Variants in WDR7 observed in about 807,000 individuals in gnomAD.
WDR7 encodes the protein WD repeat domain 7, also known as WD repeat-containing protein 7.
WDR7 carries 46 observed loss-of-function variants against 169.4 expected under a neutral mutation model. That is an observed-to-expected ratio of 0.27 (90% CI 0.21 to 0.35). The LOEUF is 0.35. Ranked by LOEUF, WDR7 falls within the 10% of genes least tolerant of loss-of-function variation. The pLI, the probability that WDR7 is intolerant of heterozygous loss-of-function variation, is 1.00. For missense variants in WDR7, 1,534 were observed against 1,859.3 expected, an observed-to-expected ratio of 0.83 and a Z score of 3.22; for synonymous variants, 612 against 666.8, an observed-to-expected ratio of 0.92 and a Z score of 1.27.
At chr18:57,016,744 C>T (rs2048212585) in intron 26 of WDR7, among the ~76,000 whole-genome samples, 1 of 152,174 alleles carries the variant, frequency 6.6e-6, no homozygotes, top group South Asian at 2.1e-4. Context: ...TATTCTGCTT[C>T]CCAGTTCCTT....
chr18:56,876,559 A>G (rs762301298), intron 20 of WDR7, among the ~76,000 whole-genome samples: 53 of 152,216 alleles, frequency 3.5e-4, no homozygotes, highest in Non-Finnish European at 6.9e-4. Flanking sequence ...AGGACTTACA[A>G]TACATCATGA....
intron 14 of WDR7, among the ~76,000 whole-genome samples, chr18:56,752,815 A>T (rs1319042623): frequency 1.3e-5 from 2 of 152,212 alleles, no homozygotes; most frequent in Non-Finnish European, 2.9e-5. Context: ...AAGAGAAGCC[A>T]CTTGAAATAC....
intron 16 of WDR7, among the ~76,000 whole-genome samples, chr18:56,761,201 G>T (rs2043975943): frequency 1.3e-5 from 2 of 152,188 alleles, no homozygotes; most frequent in South Asian, 4.2e-4. Context: ...GTAGAGATGG[G>T]GTTTTGCCAT....
At chr18:56,779,866 T>C (rs1391394914) in intron 18 of WDR7, among the ~76,000 whole-genome samples, 1 of 152,184 alleles carries the variant, frequency 6.6e-6, no homozygotes, top group African/African-American at 2.4e-5. Flanking sequence ...TACATAAACC[T>C]GCTTCCCCCA....
At chr18:56,923,509 G>T (rs1235963190) in intron 21 of WDR7, among the ~76,000 whole-genome samples, 1 of 152,204 alleles carries the variant, frequency 6.6e-6, no homozygotes, top group Non-Finnish European at 1.5e-5. Flanking sequence ...AATGAGAGGT[G>T]TTACTGAGGG....
At chr18:56,691,387 C>A in intron 8 of WDR7, 26 bp downstream of exon 8, 1 of 1,560,370 alleles carries the variant, frequency 6.4e-7, no homozygotes, top group Non-Finnish European at 8.6e-7. Flanking sequence ...TAAATTAGGA[C>A]AGTCATCAAA....
rs1308582294 is a variant in WDR7 at position 56,682,869 on chromosome 18, C to T, written c.520+16C>T. On this transcript the variant is annotated intron_variant, in intron 5 of 27. Coordinates refer to ENST00000254442, the MANE Select transcript of WDR7 (RefSeq NM_015285.3). ...CGAACACAAGGTCAGTGTATTATGCCTGTTAGGAGCTTTAGCACCATGACT... is the reference window on the plus strand; with the variant it reads ...CGAACACAAGGTCAGTGTATTATGCTTGTTAGGAGCTTTAGCACCATGACT... The T allele has an allele frequency of 6.2e-7, 1 of 1,608,204 alleles. No individual in the cohort carries two copies. The highest frequency in any genetic ancestry group is 2.2e-5 in the East Asian group (1 of 44,712).
chr18:56,850,680 T>C (rs898131362), intron 20 of WDR7, among the ~76,000 whole-genome samples: 1 of 152,076 alleles, frequency 6.6e-6, no homozygotes, highest in Admixed American at 6.6e-5. Context: ...TGACTAACTT[T>C]TTTATTATTG....
chr18:56,930,009 T>C (rs2046859528), intron 22 of WDR7, among the ~76,000 whole-genome samples: 1 of 152,200 alleles, frequency 6.6e-6, no homozygotes, highest in Admixed American at 6.5e-5. Flanking sequence ...GCCTCGTTCA[T>C]GTGGCAGGGC....
chr18:56,835,684 G>A (rs191876368), intron 20 of WDR7, among the ~76,000 whole-genome samples: 2 of 152,212 alleles, frequency 1.3e-5, no homozygotes, highest in East Asian at 3.9e-4. Context: ...AATATTTATT[G>A]GTGGAGTATT....
intron 26 of WDR7, among the ~76,000 whole-genome samples, chr18:56,971,821 T>C (rs961445155): frequency 6.6e-6 from 1 of 152,172 alleles, no homozygotes; most frequent in Admixed American, 6.5e-5. Context: ...TCCCCTGATG[T>C]GTGTGAACGG....
At chr18:57,032,300 A>G (rs907875401), downstream of WDR7, 8 of 152,236 alleles carry the variant, frequency 5.3e-5, no homozygotes, top group Admixed American at 5.2e-4. Context: ...GGACAAAAGT[A>G]TTGTAGAGTG....
At chr18:56,957,275 G>A (rs1409609366) in intron 25 of WDR7, 1 of 152,084 alleles carries the variant, frequency 6.6e-6, no homozygotes, top group South Asian at 2.1e-4. Flanking sequence ...GAAAATAGAC[G>A]ATACTTTCAA....
At chr18:56,656,583 ATTTTT>A (rs10648827) in intron 1 of WDR7, among the ~76,000 whole-genome samples, 1 of 146,138 alleles carries the variant, frequency 6.8e-6, no homozygotes, top group Non-Finnish European at 1.5e-5. Context: ...CCCGGCCACT[ATTTTT>A]TTTTTTTTTA....
chr18:56,743,199 G>C (rs1367095000), intron 14 of WDR7, among the ~76,000 whole-genome samples: 1 of 152,172 alleles, frequency 6.6e-6, no homozygotes, highest in Non-Finnish European at 1.5e-5. Context: ...TGTCCGGGAT[G>C]ATGAGGAGTT....
At chr18:56,685,922 A>T (rs771257852) in intron 5 of WDR7, 34 bp from the exon 6 acceptor site, 1 of 1,563,024 alleles carries the variant, frequency 6.4e-7, no homozygotes, top group Non-Finnish European at 8.7e-7. Flanking sequence ...TATGTTCGTA[A>T]CCTGGGCTGC....
At chr18:56,976,314 A>G (rs985030418) in intron 26 of WDR7, among the ~76,000 whole-genome samples, 6 of 152,226 alleles carry the variant, frequency 3.9e-5, no homozygotes, top group Non-Finnish European at 8.8e-5. Context: ...ATAGTGAGAA[A>G]AAGGATGTGC....
intron 13 of WDR7, among the ~76,000 whole-genome samples, chr18:56,727,413 G>C (rs1236243290): frequency 2.0e-5 from 3 of 152,014 alleles, no homozygotes; most frequent in Admixed American, 2.0e-4. Context: ...ATACCTGAGA[G>C]TGGCTAATTT....
chr18:56,694,723 C>G lies in WDR7; in HGVS notation c.1071C>G (p.Asn357Lys), dbSNP rs749888147. 1.2e-6 allele frequency: 2 copies of G among 1,613,158 alleles called. No homozygotes were observed. The highest frequency in any genetic ancestry group is 8.5e-7 in the Non-Finnish European group (1 of 1,179,560). Residue 357 changes from asparagine to lysine, a missense_variant, in exon 10 of 28, where the codon AAC becomes AAG. Asn to Lys is a moderately conservative substitution (Grantham distance 94). Transcript: ENST00000254442. ...GDSSGRLNIW[N>K]ISDTADKQGS... ...CTTCTGGAAGGTTGAATATTTGGAA[C>G]ATATCAGACACAGCTGATAAACAGG...
Sources: gnomAD v4.1 joint callset for allele counts (sites outside exome capture counted in the v4.1 genomes callset) on GRCh38, gnomAD v4.1.1 for gene constraint, MANE v1.5 for transcripts, NCBI Gene and HGNC (gene_info 2026-07-23, HGNC 2026-07-21) for gene names.